The following ICA1 variants were observed in gnomAD, a reference collection of about 807,000 sequenced individuals.
The protein encoded by ICA1 is islet cell autoantigen 1, also known as 69 kDa islet cell autoantigen.
Under a neutral mutation model 71.0 loss-of-function variants are expected in ICA1, and 40 were observed. The observed-to-expected ratio is 0.56, with a 90% CI of 0.44 to 0.73. The LOEUF (loss-of-function observed/expected upper bound fraction) is 0.73, where lower values mean the gene tolerates loss of function less well. Ranked by LOEUF, ICA1 falls within the 30% of genes least tolerant of loss-of-function variation. The pLI, the probability that ICA1 is intolerant of heterozygous loss-of-function variation, is 0.00. For synonymous variants in ICA1, 207 were observed against 209.5 expected, an observed-to-expected ratio of 0.99 and a Z score of 0.10; for missense variants, 578 against 576.5, an observed-to-expected ratio of 1.00 and a Z score of -0.03.
chr7:8,151,268 A>G lies in ICA1; in HGVS notation c.804+5848T>C, dbSNP rs1251810519. 2.6e-5 allele frequency among the ~76,000 whole-genome samples: 4 copies of G among 152,180 alleles called. No homozygotes were observed. The East Asian group carries it at 5.8e-4, about 22-fold the overall frequency. On this transcript the variant is annotated intron_variant, in intron 8 of 13. Coordinates refer to ENST00000402384, the MANE Select transcript of ICA1 (RefSeq NM_001136020.3). ...GAGAGGTGGGGGATGGAGAAGCAACATGCCATTGTGAAGGCTTGAGCTACC... is the reference window on the plus strand; with the variant it reads ...GAGAGGTGGGGGATGGAGAAGCAACGTGCCATTGTGAAGGCTTGAGCTACC...
At chr7:8,194,019 TA>T (rs1466331606) in intron 6 of ICA1, among the ~76,000 whole-genome samples, 1 of 152,228 alleles carries the variant, frequency 6.6e-6, no homozygotes, top group African/African-American at 2.4e-5. Flanking sequence ...TCTCTGTCCA[TA>T]TGTGGCCAAT....
chr7:8,232,864 CA>C (rs1800685875), intron 2 of ICA1, 109 bp from the exon 3 acceptor site: 2 of 941,490 alleles, frequency 2.1e-6, no homozygotes, highest in African/African-American at 3.4e-5. Context: ...TTTACATTTA[CA>C]ACATTGATAA....
chr7:8,126,208 G>A (rs547605756), intron 13 of ICA1, among the ~76,000 whole-genome samples: 70 of 152,328 alleles, frequency 4.6e-4, no homozygotes, highest in East Asian at 7.7e-4. Flanking sequence ...CAAAGCTGAG[G>A]ATCTGAGTGG....
At chr7:8,242,260 C>G (rs80171232) in intron 1 of ICA1, among the ~76,000 whole-genome samples, 2,309 of 152,302 alleles carry the variant, frequency 0.015, 16 homozygotes, top group Middle Eastern at 0.034. Context: ...GATTAAGAAA[C>G]TCACTCAAAA....
chr7:8,192,510 G>A (rs1382872342), intron 6 of ICA1, among the ~76,000 whole-genome samples: 1 of 152,192 alleles, frequency 6.6e-6, no homozygotes, highest in African/African-American at 2.4e-5. Flanking sequence ...GTGTTTGCCA[G>A]GTTTCTCCAT....
rs1802508327 is a variant in ICA1, at chr7:8,158,430, A to C, written c.705+97T>G. The C allele has an allele frequency of 3.3e-6, 5 of 1,499,514 alleles. No individual in the cohort carries two copies. In the African/African-American group the frequency reaches 5.6e-5, roughly 17 times the overall value. The allele number at this position is 1,499,514 out of a possible 1,614,324, so 92.9% of individuals were successfully genotyped here. A position where few individuals can be genotyped will look rare whatever the true frequency, so the allele number is the denominator to read the frequency against. On this transcript the variant is annotated intron_variant, in intron 7 of 13. Transcript: ENST00000402384. ...ATTACGGAAAGGCATTCAGAACTTC[A>C]CAATGGCCAAAGCTTACTTTTAGCT...
intron 6 of ICA1, among the ~76,000 whole-genome samples, chr7:8,205,611 A>G (rs189863524): frequency 7.2e-5 from 11 of 152,346 alleles, no homozygotes; most frequent in Admixed American, 4.6e-4. Context: ...ATGAAGCCAG[A>G]GGGATATTAG....
intron 3 of ICA1, among the ~76,000 whole-genome samples, chr7:8,231,070 TGAGCAGGGGTGGGGTAGGTGGG>T (rs1800127131): frequency 6.7e-6 from 1 of 148,704 alleles, no homozygotes; most frequent in South Asian, 2.1e-4. Context: ...TGTTAGACAG[TGAGCAGGGGTGGGGTAGGTGGG>T]GAGCAGGGGT....
At chr7:8,186,935 T>A (rs1784098469) in intron 6 of ICA1, among the ~76,000 whole-genome samples, 1 of 152,262 alleles carries the variant, frequency 6.6e-6, no homozygotes, top group South Asian at 2.1e-4. Context: ...TTTGCATTTA[T>A]TTTATATATC....
intron 1 of ICA1, among the ~76,000 whole-genome samples, chr7:8,259,449 T>C (rs961229713): frequency 6.6e-6 from 1 of 152,226 alleles, no homozygotes; most frequent in Non-Finnish European, 1.5e-5. Flanking sequence ...ACAAAATTAT[T>C]TGAACTACTC....
chr7:8,177,023 C>T (rs932633899), intron 6 of ICA1, among the ~76,000 whole-genome samples: 4 of 152,188 alleles, frequency 2.6e-5, no homozygotes, highest in African/African-American at 7.2e-5. Flanking sequence ...GGAGTGTCAG[C>T]ACTTCGTCTA....
intron 8 of ICA1, among the ~76,000 whole-genome samples, chr7:8,151,937 C>T (rs1272009739): frequency 6.6e-6 from 1 of 152,142 alleles, no homozygotes; most frequent in Admixed American, 6.5e-5. Flanking sequence ...GTTACGTTTT[C>T]AAATTCAGGT....
At chr7:8,131,069 C>T (rs1562566529) in intron 12 of ICA1, among the ~76,000 whole-genome samples, 2 of 152,164 alleles carry the variant, frequency 1.3e-5, no homozygotes, top group African/African-American at 4.8e-5. Context: ...ACATGCCGGA[C>T]ACCTCCCGGA....
chr7:8,220,806 C>T (rs1796804227), intron 5 of ICA1, among the ~76,000 whole-genome samples: 4 of 152,108 alleles, frequency 2.6e-5, no homozygotes, highest in African/African-American at 2.4e-5. Flanking sequence ...AACACACTCC[C>T]GGGTTATGGT....
chr7:8,125,780 G>A (rs1220421041), intron 13 of ICA1, among the ~76,000 whole-genome samples: 1 of 152,192 alleles, frequency 6.6e-6, no homozygotes, highest in East Asian at 1.9e-4. Context: ...GTGCTAGTAG[G>A]ATGGCAACCT....
At chr7:8,189,556 T>G (rs1330060499) in intron 6 of ICA1, among the ~76,000 whole-genome samples, 5 of 151,950 alleles carry the variant, frequency 3.3e-5, no homozygotes, top group Admixed American at 2.6e-4. Flanking sequence ...TGGAGGCAGG[T>G]TTTTTCTTCT....
chr7:8,150,458 G>C (rs796097268), intron 8 of ICA1, among the ~76,000 whole-genome samples: 10 of 152,352 alleles, frequency 6.6e-5, no homozygotes, highest in African/African-American at 2.4e-4. Flanking sequence ...ACAAAACCCA[G>C]TTAAACCTTG....
Position 8,204,857 on chromosome 7 carries a change from C to T in ICA1, c.579+13448G>A, listed in dbSNP as rs1790954982. 2.0e-5 allele frequency among the ~76,000 whole-genome samples: 3 copies of T among 152,238 alleles called. No homozygotes were observed. In the East Asian group the frequency reaches 5.8e-4, roughly 29 times the overall value. On this transcript the variant is annotated intron_variant, in intron 6 of 13. Coordinates refer to ENST00000402384, the MANE Select transcript of ICA1 (RefSeq NM_001136020.3). ...ATCTCCTTAATGTCAACTTTACTTG[C>T]ACCATTTATTAGCTGACATTGCAGA...
chr7:8,222,135 G>A lies in ICA1; in HGVS notation c.257-737C>T, dbSNP rs1797304470. Reference sequence around the variant, plus strand: ...TTGGACTCTCCATGTCTACTGTTAGGAGAACTTCCTAAGGAAGTAGCAAAA... The same window carrying A: ...TTGGACTCTCCATGTCTACTGTTAGAAGAACTTCCTAAGGAAGTAGCAAAA... On this transcript the variant is annotated intron_variant, in intron 4 of 13. Transcript: ENST00000402384. This position sits in a 1 kb window ranked among gnomAD's most constrained non-coding sequence, Gnocchi z 4.8. 1.3e-5 allele frequency among the ~76,000 whole-genome samples: 2 copies of A among 152,112 alleles called. No homozygotes were observed. Among genetic ancestry groups the A allele is most frequent in the Non-Finnish European group, 2.9e-5 (2 of 68,022 alleles).
Sources: allele counts gnomAD v4.1 joint callset (sites outside exome capture counted in the v4.1 genomes callset), GRCh38; gene constraint gnomAD v4.1.1; non-coding constraint Gnocchi (gnomAD v3.1); transcripts MANE v1.5; gene names NCBI Gene and HGNC (gene_info 2026-07-23, HGNC 2026-07-21).